Variants in NOTCH3 observed in about 807,000 individuals in gnomAD.
The protein encoded by NOTCH3 is neurogenic locus notch homolog protein 3.
Under a neutral mutation model 213.3 loss-of-function variants are expected in NOTCH3, and 86 were observed. That is an observed-to-expected ratio of 0.40 (90% confidence interval 0.34 to 0.48). NOTCH3 has a LOEUF of 0.48. Ranked by LOEUF, NOTCH3 falls within the 20% of genes least tolerant of loss-of-function variation. The pLI is 0.57. For synonymous variants in NOTCH3, 1,354 were observed against 1,355.9 expected (o/e 1.00, Z 0.03); for missense variants, 2,783 against 3,272.6 (o/e 0.85, Z 3.65).
In NOTCH3 at chr19:15,196,348, C is replaced by G. The variant is rs1201650599; in HGVS notation, c.197+1152G>C. 2.0e-5 allele frequency among the ~76,000 whole-genome samples: 3 copies of G among 152,110 alleles called. No individual in the cohort carries two copies. The South Asian group carries it at 6.2e-4, about 32-fold the overall frequency. ...GGTAAGGTCACACTTTTCCCCATCC[C>G]GCCCCACCTTCGCAGACCCCCCAGC... On this transcript the variant is annotated intron_variant, in intron 2 of 32. Coordinates refer to ENST00000263388, the MANE Select transcript of NOTCH3 (RefSeq NM_000435.3).
chr19:15,195,380 G>C (rs2046961366), intron 2 of NOTCH3, among the ~76,000 whole-genome samples: 1 of 152,024 alleles, frequency 6.6e-6, no homozygotes, highest in Admixed American at 6.6e-5. Context: ...ATCTCCAAGG[G>C]GCACTAGCGG....
intron 16 of NOTCH3, among the ~76,000 whole-genome samples, chr19:15,182,463 C>T (rs1457349964): frequency 6.6e-6 from 1 of 150,588 alleles, no homozygotes; most frequent in Non-Finnish European, 1.5e-5. Context: ...GTCATGATCG[C>T]ACCACTGCAC....
chr19:15,180,035 C>T (rs1156761159), intron 20 of NOTCH3, 37 bp downstream of exon 20: 2 of 1,454,706 alleles, frequency 1.4e-6, no homozygotes, highest in East Asian at 2.3e-5. Context: ...CAAGCATGCC[C>T]ACCTCCTCTT....
In NOTCH3 at chr19:15,179,471, T is replaced by A. The variant is rs755229930; in HGVS notation, c.3353A>T (p.Asn1118Ile). ...ACACTCGTCCACGTCGTCCTCACAG[T>A]TATCACCATTGTAGCCAGGAAGACA... ...CECLPGYNGD[N>I]CEDDVDECAS... The change falls in exon 21 of 33, where the codon AAC becomes ATC. Residue 1118 changes from asparagine (N) to isoleucine (I), a missense_variant. Asn to Ile is a moderately radical substitution (Grantham distance 149). Transcript: ENST00000263388. 1.3e-5 allele frequency: 21 copies of A among 1,613,918 alleles called. No homozygotes were observed. The Admixed American group carries it at 1.8e-4, about 14-fold the overall frequency.
At chr19:15,170,587 C>A in intron 26 of NOTCH3, 34 bp from the exon 27 acceptor site, 1 of 1,595,864 alleles carries the variant, frequency 6.3e-7, no homozygotes, top group Non-Finnish European at 8.5e-7. Flanking sequence ...GGGCTTCAGC[C>A]GAGGGCGGGG....
At chr19:15,171,980 T>A (rs1048296011) in intron 25 of NOTCH3, among the ~76,000 whole-genome samples, 1 of 151,248 alleles carries the variant, frequency 6.6e-6, no homozygotes, top group Non-Finnish European at 1.5e-5. Context: ...CGCCACAACC[T>A]CCACGTCCAG....
At chr19:15,173,742 G>A (rs1035475011) in intron 25 of NOTCH3, among the ~76,000 whole-genome samples, 1 of 135,710 alleles carries the variant, frequency 7.4e-6, no homozygotes, top group African/African-American at 3.1e-5. Context: ...AAAAAAAAAA[G>A]AAAAGAAGAA....
Position 15,170,506 on chromosome 19 carries a change from G to C in NOTCH3, c.4939C>G (p.Leu1647Val), listed in dbSNP as rs758396008. The change falls in exon 27 of 33, where the codon CTA (leucine) becomes GTA (valine). Residue 1647 changes from leucine (L) to valine (V), a missense_variant. By Grantham distance (32) the Leu-to-Val change is conservative. This residue lies in a region of NOTCH3 where 636 missense variants were observed against 801.8 expected (regional missense o/e 0.79). Transcript: ENST00000263388. ...AGCAGCAAGACAGCGCCCGCCACTA[G>C]CAGTGGCAGCAGCGGGACGCTGGGT... ...PEPSVPLLPL[L>V]VAGAVLLLVI... 8 of 1,610,220 alleles carry C rather than the reference G, an allele frequency of 5.0e-6. No homozygotes were observed. In the Admixed American group the frequency reaches 1.2e-4, roughly 23 times the overall value.
rs1162467192 is a variant in NOTCH3, at chr19:15,173,104, CTTTTTTT to C, written c.4736+957_4736+963del. On this transcript the variant is annotated intron_variant, in intron 25 of 32. Transcript: ENST00000263388. ...TCTTCTTCTTCTTCTTCTTCTTCTT[CTTTTTTT>C]TTTTTTTTTTTTTTTTTAAGAGATC... Among the ~76,000 whole-genome samples, 3 of 19,250 alleles carry C rather than the reference CTTTTTTT, an allele frequency of 1.6e-4. No individual in the cohort carries two copies. The African/African-American group carries it at 1.6e-3, about 10-fold the overall frequency. 12.6% of individuals were successfully genotyped at this position (19,250 alleles called of 152,430 possible). A position where few individuals can be genotyped will look rare whatever the true frequency, so the allele number is the denominator to read the frequency against.
Position 15,174,151 on chromosome 19 carries a change from G to T in NOTCH3, c.4653C>A (p.Gly1551=). Residue 1551 remains glycine (G), a synonymous_variant, in exon 25 of 33, where the codon GGC becomes GGA. Transcript: ENST00000263388. Reference sequence around the variant, plus strand: ...GGTGGTAAGGGAAGACCATGGCCTGGCCGTGCGCGTCCAGGCGGAAGCGCA... The same window carrying T: ...GGTGGTAAGGGAAGACCATGGCCTGTCCGTGCGCGTCCAGGCGGAAGCGCA... ...TSLRFRLDAH[G]QAMVFPYHRP... 6.2e-7 allele frequency: 1 copy of T among 1,609,496 alleles called. No individual in the cohort carries two copies.
In NOTCH3 at chr19:15,189,154, A is replaced by G; in HGVS notation, c.1213T>C (p.Leu405=). The G allele has an allele frequency of 6.2e-7, 1 of 1,613,346 alleles. No homozygotes were observed. The highest frequency in any genetic ancestry group is 8.5e-7 in the Non-Finnish European group (1 of 1,180,028). ...CSIGANPCEH[L]GRCVNTQGSF... ...CCCTGCGTGTTCACGCACCTGCCCA[A>G]GTGCTCGCAGGGGTTGGCGCCTGCC... The change falls in exon 8 of 33, where the codon TTG becomes CTG. Residue 405 remains leucine (L), a synonymous_variant. Coordinates refer to ENST00000263388, the MANE Select transcript of NOTCH3 (RefSeq NM_000435.3).
rs539139787 is a variant in NOTCH3 at position 15,179,160 on chromosome 19, G to A, written c.3583C>T (p.Pro1195Ser). The A allele has an allele frequency of 6.2e-7, 1 of 1,614,158 alleles. No individual in the cohort carries two copies. Among genetic ancestry groups the A allele is most frequent in the African/African-American group, 1.3e-5 (1 of 75,072 alleles). Residue 1195 changes from proline (P) to serine (S), a missense_variant, in exon 22 of 33, where the codon CCA becomes TCA. By Grantham distance (74) the Pro-to-Ser change is moderately conservative (BLOSUM62 -1). Coordinates refer to ENST00000263388, the MANE Select transcript of NOTCH3 (RefSeq NM_000435.3). ...TCGCAGCGCAAACCAGTGTATCCTG[G>A]GGGACAGGTGCAGCGGAAACCACCC... ...LVGGFRCTCP[P>S]GYTGLRCEAD...
intron 32 of NOTCH3, 117 bp downstream of exon 32, chr19:15,162,348 A>G (rs759538209): frequency 1.2e-6 from 1 of 817,710 alleles, no homozygotes; most frequent in Non-Finnish European, 2.0e-6. Context: ...TTTTAATCCA[A>G]TGTTTGGGGT....
At chr19:15,192,794 A>T (rs1362788078) in intron 2 of NOTCH3, among the ~76,000 whole-genome samples, 2 of 152,152 alleles carry the variant, frequency 1.3e-5, no homozygotes, top group African/African-American at 4.8e-5. Flanking sequence ...GCGTGCCTGT[A>T]GTCCCAGCTA....
chr19:15,190,251 G>A (rs930002919), intron 6 of NOTCH3, among the ~76,000 whole-genome samples: 9 of 152,174 alleles, frequency 5.9e-5, no homozygotes, highest in South Asian at 2.1e-4. Flanking sequence ...TCCAGCCTGG[G>A]TGACAAAGTG....
rs2046752173 is a variant in NOTCH3 at position 15,173,101 on chromosome 19, CTTCTTTTTTTTTTTTT to C, written c.4736+951_4736+966del. Among the ~76,000 whole-genome samples the C allele has an allele frequency of 3.1e-4, 15 of 49,040 alleles. 4 individuals carry two copies. The highest frequency in any genetic ancestry group is 2.7e-3 in the African/African-American group (13 of 4,854). The allele number at this position is 49,040 out of a possible 152,430, so 32.2% of individuals were successfully genotyped here. ...TCTTCTTCTTCTTCTTCTTCTTCTT[CTTCTTTTTTTTTTTTT>C]TTTTTTTTTTTAAGAGATCGGAGGC... On this transcript the variant is annotated intron_variant, in intron 25 of 32. Coordinates refer to ENST00000263388, the MANE Select transcript of NOTCH3 (RefSeq NM_000435.3).
rs942937343 is a variant in NOTCH3 at position 15,160,545 on chromosome 19, G to C, written c.*117C>G. On this transcript the variant is annotated 3_prime_UTR_variant, in exon 33 of 33. Coordinates refer to ENST00000263388, the MANE Select transcript of NOTCH3 (RefSeq NM_000435.3). The stretch of plus-strand genomic sequence containing the variant: ...CACGCTGCAAGGCAAGGATGCAGGA[G>C]GGTTGGTGGAAAGAGAAGAGGATGA... 7.9e-6 allele frequency: 7 copies of C among 883,718 alleles called. No individual in the cohort carries two copies. The African/African-American group carries it at 9.9e-5, about 12-fold the overall frequency. 54.7% of individuals were successfully genotyped at this position (883,718 alleles called of 1,614,324 possible).
At chr19:15,199,806 C>T (rs992498470) in intron 1 of NOTCH3, among the ~76,000 whole-genome samples, 1 of 152,082 alleles carries the variant, frequency 6.6e-6, no homozygotes, top group Admixed American at 6.5e-5. Flanking sequence ...GAAACCCCCA[C>T]CCCGCCCAGC....
chr19:15,161,775 A>G, intron 32 of NOTCH3, 61 bp from the exon 33 acceptor site: 1 of 1,483,526 alleles, frequency 6.7e-7, no homozygotes, highest in Middle Eastern at 2.1e-4. Flanking sequence ...AAAGTCTTCC[A>G]GCCTCTTGGG....
Sources: allele counts gnomAD v4.1 joint callset (sites outside exome capture counted in the v4.1 genomes callset), GRCh38; gene constraint gnomAD v4.1.1; regional missense constraint gnomAD v4.1.1; transcripts MANE v1.5; gene names NCBI Gene and HGNC (gene_info 2026-07-23, HGNC 2026-07-21).